The following ZNF570 variants were observed in gnomAD, a reference collection of about 807,000 sequenced individuals.
ZNF570 encodes zinc finger protein 570.
In ZNF570, 8 loss-of-function variants were observed where a neutral mutation model predicts 14.2. The observed-to-expected ratio is 0.56, with a 90% CI of 0.33 to 1.02. ZNF570 has a LOEUF of 1.02. ZNF570 is among the 50% of genes least tolerant of loss of function. The probability of loss-of-function intolerance (pLI) is 0.03; values close to 1 mark genes in which losing one functional copy is unlikely to be tolerated. For synonymous variants in ZNF570, 202 were observed against 207.6 expected, an observed-to-expected ratio of 0.97 and a Z score of 0.23; for missense variants, 559 against 624.9, an observed-to-expected ratio of 0.89 and a Z score of 1.12.
chr19:37,479,204 T>G (rs982689746), intron 4 of ZNF570, among the ~76,000 whole-genome samples: 3 of 149,088 alleles, frequency 2.0e-5, no homozygotes, highest in South Asian at 2.1e-4. Context: ...TTCTAAATAT[T>G]TTTAGTTTTG....
Position 37,475,959 on chromosome 19 carries a change from C to A in ZNF570, c.112C>A (p.Leu38Met). The A allele has an allele frequency of 6.2e-7, 1 of 1,614,044 alleles. No individual in the cohort carries two copies. The highest frequency in any genetic ancestry group is 1.3e-5 in the African/African-American group (1 of 75,054). Reference protein sequence around the residue: ...WDCLDSSQRHLYSNVMLENYR... With the variant: ...WDCLDSSQRHMYSNVMLENYR... ...TTGTCTGGATTCTTCTCAAAGACAT[C>A]TGTACAGTAATGTGATGCTAGAGAA... The change falls in exon 3 of 5, where the codon CTG (leucine) becomes ATG (methionine). Residue 38 changes from leucine to methionine, a missense_variant. Coordinates refer to ENST00000330173, the MANE Select transcript of ZNF570 (RefSeq NM_144694.5).
chr19:37,467,980 A>G, upstream of ZNF570: 2 of 1,525,100 alleles, frequency 1.3e-6, no homozygotes, highest in Non-Finnish European at 1.8e-6. Flanking sequence ...AGCGAAAAGT[A>G]GTGTGGCCAG....
At position 37,483,861 on chromosome 19, in the gene ZNF570, CTTA is replaced by C. The variant is rs1373370474; in HGVS notation, c.257-11_257-9del. The stretch of plus-strand genomic sequence containing the variant: ...ATACTCAATAGAGGAGACATTTTTT[CTTA>C]TTATTACTTTTCAGGCTGGGAGCCT... On this transcript the variant is annotated splice_polypyrimidine_tract_variant and intron_variant, in intron 4 of 4. Transcript: ENST00000330173. 36 of 1,560,072 alleles carry C rather than the reference CTTA, an allele frequency of 2.3e-5. No homozygotes were observed. Among genetic ancestry groups the C allele is most frequent in the Non-Finnish European group, 3.0e-5 (35 of 1,160,138 alleles).
chr19:37,470,029 C>G, intron 1 of ZNF570: 1 of 340,522 alleles, frequency 2.9e-6, no homozygotes, highest in Admixed American at 4.4e-5. Flanking sequence ...GATCTTGGTG[C>G]TCTTATTTGT....
chr19:37,470,849 G>A (rs1176929688), intron 2 of ZNF570, among the ~76,000 whole-genome samples: 2 of 147,346 alleles, frequency 1.4e-5, no homozygotes, highest in Non-Finnish European at 1.5e-5. Flanking sequence ...ATAGGTGTGC[G>A]CCATCACGCC....
In ZNF570 at chr19:37,474,994, C is replaced by T. The variant is rs531079477; in HGVS notation, c.34-887C>T. ...TTTTTTTTTTTTTGAGATGGAGTCT[C>T]GCCCTGCCGCCCAGGCTGGAATGCA... On this transcript the variant is annotated intron_variant, in intron 2 of 4. Coordinates refer to ENST00000330173, the MANE Select transcript of ZNF570 (RefSeq NM_144694.5). Among the ~76,000 whole-genome samples, 27 of 143,804 alleles carry T rather than the reference C, an allele frequency of 1.9e-4. No individual in the cohort carries two copies. In the South Asian group the frequency reaches 5.3e-3, roughly 28 times the overall value. The allele number at this position is 143,804 out of a possible 152,430, so 94.3% of individuals were successfully genotyped here.
At chr19:37,474,863 C>T (rs2042005907) in intron 2 of ZNF570, among the ~76,000 whole-genome samples, 1 of 152,044 alleles carries the variant, frequency 6.6e-6, no homozygotes, top group African/African-American at 2.4e-5. Context: ...AATACATACA[C>T]ATATAATGTA....
Position 37,482,979 on chromosome 19 carries a change from C to G in ZNF570, c.257-900C>G, listed in dbSNP as rs1395613663. On this transcript the variant is annotated intron_variant, in intron 4 of 4. Coordinates refer to ENST00000330173, the MANE Select transcript of ZNF570 (RefSeq NM_144694.5). ...GTTTCCCGAGGCCTTCTCAGCCATG[C>G]AGAACTGTGAGTCAATTAAACTACC... 2.0e-5 allele frequency among the ~76,000 whole-genome samples: 3 copies of G among 151,894 alleles called. No individual in the cohort carries two copies. The East Asian group carries it at 5.8e-4, about 29-fold the overall frequency.
At chr19:37,474,674 G>T (rs1343028331) in intron 2 of ZNF570, among the ~76,000 whole-genome samples, 1 of 152,102 alleles carries the variant, frequency 6.6e-6, no homozygotes, top group Non-Finnish European at 1.5e-5. Context: ...TGGCCAGGCT[G>T]TTCTGGAACT....
At position 37,487,143 on chromosome 19, in the gene ZNF570, A is replaced by G. The variant is rs1223458782; in HGVS notation, c.*1910A>G. 7.3e-6 allele frequency: 1 copy of G among 137,330 alleles called. No homozygotes were observed. The highest frequency in any genetic ancestry group is 2.4e-4 in the East Asian group (1 of 4,144). 8.5% of individuals were successfully genotyped at this position (137,330 alleles called of 1,614,324 possible). A position where few individuals can be genotyped will look rare whatever the true frequency, so the allele number is the denominator to read the frequency against. ...CTTGAACCCAGGAGACAGAGGTTGC[A>G]GTGAGCTGAGATCGTGCTACTGCAC... On this transcript the variant is annotated 3_prime_UTR_variant, in exon 5 of 5. Transcript: ENST00000330173.
Position 37,476,408 on chromosome 19 carries a change from G to A in ZNF570, c.230G>A (p.Arg77Lys). The change falls in exon 4 of 5, where the codon AGA (arginine) becomes AAA (lysine). Residue 77 changes from arginine (R) to lysine (K), a missense_variant. By Grantham distance (26) the Arg-to-Lys change is conservative (BLOSUM62 2). Coordinates refer to ENST00000330173, the MANE Select transcript of ZNF570 (RefSeq NM_144694.5). Reference protein sequence around the residue: ...EQGKAPWMVKRELTKGLCSGW... With the variant: ...EQGKAPWMVKKELTKGLCSGW... ...GGAAAAGCACCCTGGATGGTGAAGA[G>A]AGAGCTGACAAAAGGCTTGTGCTCA... is the stretch of plus-strand genomic sequence containing the variant. 2 of 1,613,948 alleles carry A rather than the reference G, an allele frequency of 1.2e-6. No individual in the cohort carries two copies. The highest frequency in any genetic ancestry group is 1.7e-6 in the Non-Finnish European group (2 of 1,179,930).
chr19:37,469,259 G>A, upstream of ZNF570: 2 of 1,393,188 alleles, frequency 1.4e-6, no homozygotes, highest in South Asian at 1.6e-5. Flanking sequence ...CTGCGACGCC[G>A]CGACCTTTTC....
chr19:37,468,957 A>T, upstream of ZNF570: 1 of 751,154 alleles, frequency 1.3e-6, no homozygotes, highest in Non-Finnish European at 1.6e-6. Context: ...TAGACGCGCC[A>T]CTAGCGCGTT....
chr19:37,475,166 G>T (rs959970416), intron 2 of ZNF570, among the ~76,000 whole-genome samples: 1 of 151,972 alleles, frequency 6.6e-6, no homozygotes, highest in African/African-American at 2.4e-5. Context: ...GTTTCACCAT[G>T]TTGGCCAGGC....
chr19:37,481,116 A>G (rs2042082771), intron 4 of ZNF570, among the ~76,000 whole-genome samples: 1 of 151,808 alleles, frequency 6.6e-6, no homozygotes, highest in Admixed American at 6.6e-5. Flanking sequence ...TTTTGCTGTC[A>G]TGCATAGAAG....
intron 4 of ZNF570, among the ~76,000 whole-genome samples, chr19:37,480,526 C>G (rs1011071817): frequency 2.6e-5 from 4 of 152,068 alleles, no homozygotes; most frequent in African/African-American, 9.7e-5. Flanking sequence ...CTTAGACTGT[C>G]TTAACTTCAC....
upstream of ZNF570, chr19:37,467,946 T>C: frequency 6.5e-7 from 1 of 1,536,132 alleles, no homozygotes; most frequent in Non-Finnish European, 8.7e-7. Context: ...ACAGTGTTAT[T>C]GGATTTCATG....
At chr19:37,472,969 G>T (rs1008801692) in intron 2 of ZNF570, among the ~76,000 whole-genome samples, 5 of 152,220 alleles carry the variant, frequency 3.3e-5, no homozygotes, top group African/African-American at 1.2e-4. Context: ...GGGTTGTTCA[G>T]TTATAGGAAT....
chr19:37,469,357 C>G lies in ZNF570; in HGVS notation c.-252C>G. On this transcript the variant is annotated 5_prime_UTR_variant, in exon 1 of 5. Coordinates refer to ENST00000330173, the MANE Select transcript of ZNF570 (RefSeq NM_144694.5). ...TCCGGGGGCGGAGGCAGCTGAGGCG[C>G]TTCTTTCCGGGCCCGTAAGGGCTGG... The G allele has an allele frequency of 7.0e-7, 1 of 1,428,352 alleles. No homozygotes were observed. Among genetic ancestry groups the G allele is most frequent in the Non-Finnish European group, 9.2e-7 (1 of 1,091,084 alleles). The allele number at this position is 1,428,352 out of a possible 1,614,324, so 88.5% of individuals were successfully genotyped here.
Sources: gnomAD v4.1 joint callset for allele counts (sites outside exome capture counted in the v4.1 genomes callset) on GRCh38, gnomAD v4.1.1 for gene constraint, MANE v1.5 for transcripts, NCBI Gene and HGNC (gene_info 2026-07-23, HGNC 2026-07-21) for gene names.